Variants in ZNF229 observed in about 807,000 individuals in gnomAD.
The protein encoded by ZNF229 is zinc finger protein 229.
In ZNF229, 10 loss-of-function variants were observed where a neutral mutation model predicts 11.8. That is an observed-to-expected ratio of 0.85 (90% CI 0.52 to 1.44). The LOEUF (loss-of-function observed/expected upper bound fraction) is 1.44, where lower values mean the gene tolerates loss of function less well. Ranked by LOEUF, ZNF229 falls within the 40% of genes most tolerant of loss-of-function variation. ZNF229 has a pLI of 0.00. For missense variants in ZNF229, 1,045 were observed against 1,015.1 expected, an observed-to-expected ratio of 1.03 and a Z score of -0.40; for synonymous variants, 368 against 374.8, an observed-to-expected ratio of 0.98 and a Z score of 0.21.
Position 44,428,184 on chromosome 19 carries a change from TA to T in ZNF229, c.*118del. ...CCCTTCCTATGCAGACTAGAAAATG[TA>T]AAATCATCAGTTTCTCCTATAGCCC... On this transcript the variant is annotated 3_prime_UTR_variant, in exon 6 of 6. Coordinates refer to ENST00000614049, the MANE Select transcript of ZNF229 (RefSeq NM_014518.4). 1 of 1,159,480 alleles carries T rather than the reference TA, an allele frequency of 8.6e-7. No individual in the cohort carries two copies. Among genetic ancestry groups the T allele is most frequent in the Non-Finnish European group, 1.2e-6 (1 of 826,550 alleles). 71.8% of individuals were successfully genotyped at this position (1,159,480 alleles called of 1,614,324 possible). A position where few individuals can be genotyped will look rare whatever the true frequency, so the allele number is the denominator to read the frequency against.
In ZNF229 at chr19:44,432,258, T is replaced by A; in HGVS notation, c.202A>T (p.Arg68Trp). 10 of 1,613,860 alleles carry A rather than the reference T, an allele frequency of 6.2e-6. No homozygotes were observed. Among genetic ancestry groups the A allele is most frequent in the Non-Finnish European group, 8.5e-6 (10 of 1,179,926 alleles). ...LYQDVMQENF[R>W]NLLSVGERNP... ...CTCTCACCCACTGAGAGTAGGTTCC[T>A]GAAATTCTCCTGCATCACATCTTGG... The change falls in exon 5 of 6, where the codon AGG becomes TGG. Residue 68 changes from arginine to tryptophan, a missense_variant. Transcript: ENST00000614049.
In ZNF229 at chr19:44,432,339, C is replaced by A. The variant is rs1262688069; in HGVS notation, c.121G>T (p.Val41Leu). The change falls in exon 5 of 6, where the codon GTG becomes TTG. Residue 41 changes from valine (V) to leucine (L), a missense_variant. By Grantham distance (32) the Val-to-Leu change is conservative. Coordinates refer to ENST00000614049, the MANE Select transcript of ZNF229 (RefSeq NM_014518.4). ...TCTAGCTCCTCCTCAGTGAAGACCACAGCCACGTCCTTGAAGCTCAATGGC... is the reference window on the plus strand; with the variant it reads ...TCTAGCTCCTCCTCAGTGAAGACCAAAGCCACGTCCTTGAAGCTCAATGGC... ...QEPLSFKDVA[V>L]VFTEEELELL... 6.2e-7 allele frequency: 1 copy of A among 1,613,368 alleles called. No homozygotes were observed. The highest frequency in any genetic ancestry group is 1.7e-5 in the Admixed American group (1 of 59,800).
rs377240480 is a variant in ZNF229 at position 44,429,987 on chromosome 19, A to C, written c.794T>G (p.Leu265Trp). The change falls in exon 6 of 6, where the codon TTG becomes TGG. Residue 265 changes from leucine to tryptophan, a missense_variant. Leu to Trp is a moderately conservative substitution (Grantham distance 61). Transcript: ENST00000614049. ...LHRINPGENG[L>W]KSNEYRNGFR... ...GCCATTTCTGTATTCGTTACTTTTCAAGCCATTCTCTCCAGGGTTAATGCG... is the reference window on the plus strand; with the variant it reads ...GCCATTTCTGTATTCGTTACTTTTCCAGCCATTCTCTCCAGGGTTAATGCG... The C allele has an allele frequency of 2.5e-6, 4 of 1,613,768 alleles. No homozygotes were observed. The highest frequency in any genetic ancestry group is 3.3e-4 in the Middle Eastern group (2 of 6,084).
At chr19:44,440,448 G>C (rs567779791) in intron 4 of ZNF229, among the ~76,000 whole-genome samples, 5 of 152,128 alleles carry the variant, frequency 3.3e-5, no homozygotes, top group Middle Eastern at 3.4e-3. Flanking sequence ...ATTGACATCA[G>C]GCACAAACAG....
chr19:44,433,668 C>G (rs1233514288), intron 4 of ZNF229, among the ~76,000 whole-genome samples: 1 of 152,112 alleles, frequency 6.6e-6, no homozygotes, highest in Admixed American at 6.5e-5. Flanking sequence ...CCAGCAAATG[C>G]CAGCGCAATG....
intron 2 of ZNF229, among the ~76,000 whole-genome samples, chr19:44,446,203 G>T (rs1353042796): frequency 6.6e-6 from 1 of 152,128 alleles, no homozygotes; most frequent in Admixed American, 6.6e-5. Flanking sequence ...AAAACTAAAA[G>T]AATAATTCCA....
chr19:44,428,306 C>T lies in ZNF229; in HGVS notation c.2475G>A (p.Lys825=). ...AGATGGAATCCTCTATGTACATCTA[C>T]TTATAAGGGTTCTCGCCTAAATGCA... ...QRVHLGENPY[K] The change falls in exon 6 of 6, where the codon AAG becomes AAA. Residue 825 remains lysine, a synonymous_variant. Transcript: ENST00000614049. 6.2e-7 allele frequency: 1 copy of T among 1,607,218 alleles called. No individual in the cohort carries two copies. Among genetic ancestry groups the T allele is most frequent in the Non-Finnish European group, 8.5e-7 (1 of 1,175,580 alleles).
intron 4 of ZNF229, among the ~76,000 whole-genome samples, chr19:44,432,774 G>A (rs943104291): frequency 2.0e-5 from 3 of 151,624 alleles, no homozygotes; most frequent in Admixed American, 6.6e-5. Context: ...ACACCAACAC[G>A]GCACATGTAT....
At chr19:44,445,764 A>G (rs1971992728) in intron 2 of ZNF229, among the ~76,000 whole-genome samples, 1 of 152,216 alleles carries the variant, frequency 6.6e-6, no homozygotes, top group African/African-American at 2.4e-5. Flanking sequence ...TATGAGGGCC[A>G]GTATTTCAGT....
chr19:44,428,441 G>A lies in ZNF229; in HGVS notation c.2340C>T (p.Asn780=), dbSNP rs1284817129. 7 of 1,613,898 alleles carry A rather than the reference G, an allele frequency of 4.3e-6. No homozygotes were observed. In the South Asian group the frequency reaches 7.7e-5, roughly 18 times the overall value. Residue 780 remains asparagine (N), a synonymous_variant, in exon 6 of 6, where the codon AAC becomes AAT. Transcript: ENST00000614049. ...CEECGKGFGR[N]SCLHVHQRVH... ...CTCTCTGATGAACATGAAGACAGGAGTTGCGGCCAAAGCCCTTCCCACACT... is the reference window on the plus strand; with the variant it reads ...CTCTCTGATGAACATGAAGACAGGAATTGCGGCCAAAGCCCTTCCCACACT...
Position 44,442,856 on chromosome 19 carries a change from C to T in ZNF229, c.-9G>A. ...GAGGTCAAAGTCTCCATGGTCTCTT[C>T]TGCTAGGTTCTCTGCGAGCAGCAGC... is the stretch of plus-strand genomic sequence containing the variant. On this transcript the variant is annotated 5_prime_UTR_variant, in exon 3 of 6. Transcript: ENST00000614049. The T allele has an allele frequency of 6.3e-7, 1 of 1,588,478 alleles. No homozygotes were observed. The highest frequency in any genetic ancestry group is 8.6e-7 in the Non-Finnish European group (1 of 1,164,782).
At chr19:44,436,419 C>T (rs530712162) in intron 4 of ZNF229, among the ~76,000 whole-genome samples, 1 of 151,862 alleles carries the variant, frequency 6.6e-6, no homozygotes, top group East Asian at 2.0e-4. Context: ...AAAAAGGGCA[C>T]CATTACTAAG....
At chr19:44,439,607 C>A (rs908719763) in intron 4 of ZNF229, among the ~76,000 whole-genome samples, 18 of 152,130 alleles carry the variant, frequency 1.2e-4, no homozygotes, top group Admixed American at 2.0e-4. Flanking sequence ...CCATGCCCGG[C>A]TAATTTTTTT....
intron 4 of ZNF229, among the ~76,000 whole-genome samples, chr19:44,440,792 T>C (rs1334226124): frequency 1.3e-5 from 2 of 151,966 alleles, no homozygotes; most frequent in Non-Finnish European, 2.9e-5. Context: ...GGCATGATCT[T>C]GGTTCACTGC....
At chr19:44,442,776 G>A (rs1336238540) in intron 3 of ZNF229, 38 bp downstream of exon 3, 1 of 1,607,182 alleles carries the variant, frequency 6.2e-7, no homozygotes, top group East Asian at 2.2e-5. Flanking sequence ...CACTCAGTTT[G>A]GATTCTCCCC....
At position 44,434,242 on chromosome 19, in the gene ZNF229, TTC is replaced by T. The variant is rs770978718; in HGVS notation, c.94-1878_94-1877del. Reference sequence around the variant, plus strand: ...CATGCCTGCATGTACCCCGAAAACATTCTCTCTGCCAGAATGATGGTTCTTTC... The same window carrying T: ...CATGCCTGCATGTACCCCGAAAACATTCTCTGCCAGAATGATGGTTCTTTC... On this transcript the variant is annotated intron_variant, in intron 4 of 5. Coordinates refer to ENST00000614049, the MANE Select transcript of ZNF229 (RefSeq NM_014518.4). 6.3e-4 allele frequency among the ~76,000 whole-genome samples: 96 copies of T among 152,258 alleles called. 1 individual carries two copies. The highest frequency in any genetic ancestry group is 1.3e-3 in the Non-Finnish European group (89 of 68,018).
chr19:44,437,414 G>A (rs896999502), intron 4 of ZNF229, among the ~76,000 whole-genome samples: 2 of 151,900 alleles, frequency 1.3e-5, no homozygotes, highest in South Asian at 2.1e-4. Context: ...TCAAAACCAC[G>A]AGATACCACC....
Position 44,428,771 on chromosome 19 carries a change from G to C in ZNF229, c.2010C>G (p.Ser670Arg). 2 of 1,613,296 alleles carry C rather than the reference G, an allele frequency of 1.2e-6. No individual in the cohort carries two copies. Among genetic ancestry groups the C allele is most frequent in the Non-Finnish European group, 1.7e-6 (2 of 1,179,482 alleles). Residue 670 changes from serine (S) to arginine (R), a missense_variant, in exon 6 of 6, where the codon AGC becomes AGG. Ser to Arg is a moderately radical substitution (Grantham distance 110, BLOSUM62 -1). Transcript: ENST00000614049. Reference protein sequence around the residue: ...ECGKGFRCTSSLHKHQRVHTG... With the variant: ...ECGKGFRCTSRLHKHQRVHTG... ...TGTGGACTCGCTGATGTTTGTGAAG[G>C]CTTGATGTGCACCTAAAGCCCTTTC...
intron 4 of ZNF229, among the ~76,000 whole-genome samples, chr19:44,441,734 T>C (rs753190874): frequency 5.9e-5 from 9 of 152,204 alleles, no homozygotes; most frequent in Non-Finnish European, 5.9e-5. Context: ...TTGGCTGTTA[T>C]GAATGATGCT....
Sources: gnomAD v4.1 joint callset for allele counts (sites outside exome capture counted in the v4.1 genomes callset) on GRCh38, gnomAD v4.1.1 for gene constraint, MANE v1.5 for transcripts, NCBI Gene and HGNC (gene_info 2026-07-23, HGNC 2026-07-21) for gene names.